Variants in BTAF1 observed in about 807,000 individuals in gnomAD.
BTAF1 encodes the protein B-TFIID TATA-box binding protein associated factor 1.
A neutral mutation model predicts 227.1 loss-of-function variants in BTAF1; 38 were observed. The observed-to-expected ratio is 0.17, with a 90% CI of 0.13 to 0.22. The LOEUF is 0.22. Among genes scored for constraint, BTAF1 ranks in the 10% least tolerant of loss-of-function variants. BTAF1 has a pLI of 1.00. For missense variants in BTAF1, 1,598 were observed against 2,204.0 expected (o/e 0.73, Z 5.51); for synonymous variants, 742 against 751.9 (o/e 0.99, Z 0.21).
chr10:91,968,677 A>G (rs1358263704), intron 14 of BTAF1, among the ~76,000 whole-genome samples: 3 of 152,100 alleles, frequency 2.0e-5, no homozygotes, highest in East Asian at 1.9e-4. Flanking sequence ...GAGGGTTCCT[A>G]TTGCTTTACA....
intron 14 of BTAF1, among the ~76,000 whole-genome samples, chr10:91,968,520 T>C (rs1332729188): frequency 6.6e-6 from 1 of 152,192 alleles, no homozygotes; most frequent in Non-Finnish European, 1.5e-5. Context: ...CAGGTTCTTA[T>C]GTGGGCATTA....
intron 19 of BTAF1, among the ~76,000 whole-genome samples, chr10:91,988,172 A>G (rs1309071496): frequency 6.6e-6 from 1 of 152,196 alleles, no homozygotes; most frequent in African/African-American, 2.4e-5. Flanking sequence ...CCTCAGTTAT[A>G]TGTTACATTT....
rs1196487300 is a variant in BTAF1, at chr10:91,991,265, AATATAAATAT to A, written c.2855-848_2855-839del. Among the ~76,000 whole-genome samples, 615 of 90,064 alleles carry A rather than the reference AATATAAATAT, an allele frequency of 6.8e-3. 44 individuals carry two copies. The highest frequency in any genetic ancestry group is 0.026 in the Middle Eastern group (5 of 190). 59.1% of individuals were successfully genotyped at this position (90,064 alleles called of 152,430 possible). On this transcript the variant is annotated intron_variant, in intron 20 of 37. Coordinates refer to ENST00000265990, the MANE Select transcript of BTAF1 (RefSeq NM_003972.3). ...CGTCTCAAAAAAATATATAAATATA[AATATAAATAT>A]ATATATATATATATATAAATTATCC... is the stretch of plus-strand genomic sequence containing the variant.
intron 14 of BTAF1, among the ~76,000 whole-genome samples, chr10:91,975,264 T>A (rs186573586): frequency 6.6e-6 from 1 of 152,314 alleles, no homozygotes; most frequent in African/African-American, 2.4e-5. Flanking sequence ...AAGATATACA[T>A]GAGATTGAGT....
chr10:92,028,692 A>G, intron 37 of BTAF1, 98 bp from the exon 38 acceptor site: 1 of 1,205,480 alleles, frequency 8.3e-7, no homozygotes, highest in African/African-American at 1.6e-5. Flanking sequence ...ATTCTGTTGA[A>G]TAATTGTATT....
rs772334330 is a variant in BTAF1 at position 91,989,210 on chromosome 10, A to G, written c.2484A>G (p.Leu828=). The G allele has an allele frequency of 1.9e-6, 3 of 1,613,900 alleles. No individual in the cohort carries two copies. Among genetic ancestry groups the G allele is most frequent in the African/African-American group, 2.7e-5 (2 of 74,846 alleles). ...TSSFDLNPQV[L]QQLDSKRQQV... is the part of the protein sequence containing the mutation. ...CTTTCGATTTAAATCCTCAAGTGTTACAACAGTTAGATAGTAAACGACAGC... is the reference window on the plus strand; with the variant it reads ...CTTTCGATTTAAATCCTCAAGTGTTGCAACAGTTAGATAGTAAACGACAGC... The change falls in exon 20 of 38, where the codon TTA becomes TTG. Residue 828 remains leucine (L), a synonymous_variant. Coordinates refer to ENST00000265990, the MANE Select transcript of BTAF1 (RefSeq NM_003972.3).
intron 37 of BTAF1, among the ~76,000 whole-genome samples, 164 bp downstream of exon 37, chr10:92,027,464 G>A (rs1404397851): frequency 6.9e-6 from 1 of 144,896 alleles, no homozygotes; most frequent in East Asian, 2.0e-4. Flanking sequence ...CATACTAGGG[G>A]ATGTGTGAAG....
intron 2 of BTAF1, among the ~76,000 whole-genome samples, chr10:91,937,090 G>A (rs900799797): frequency 2.0e-5 from 3 of 151,704 alleles, no homozygotes; most frequent in African/African-American, 7.3e-5. Flanking sequence ...TGCCTCCTGG[G>A]TTCAGGCGAT....
intron 1 of BTAF1, among the ~76,000 whole-genome samples, chr10:91,934,880 A>G (rs983357620): frequency 6.6e-5 from 10 of 152,150 alleles, no homozygotes; most frequent in African/African-American, 2.2e-4. Context: ...TCCATCTCAT[A>G]CACCATTTAT....
At chr10:91,980,606 A>T in intron 15 of BTAF1, 48 bp downstream of exon 15, 1 of 1,452,112 alleles carries the variant, frequency 6.9e-7, no homozygotes, top group Non-Finnish European at 9.6e-7. Flanking sequence ...ACTTTTGTAG[A>T]TTTTTAAAAT....
chr10:91,955,260 A>AT lies in BTAF1; in HGVS notation c.702-1263dup, dbSNP rs567614449. 5.8e-3 allele frequency among the ~76,000 whole-genome samples: 889 copies of AT among 152,272 alleles called. 9 individuals carry two copies. Among genetic ancestry groups the AT allele is most frequent in the South Asian group, 0.033 (157 of 4,828 alleles). ...TTGAATGTTGGAAATATTCGACTTT[A>AT]TTTTTCAGAGTTCATGAGTCATTCA... On this transcript the variant is annotated intron_variant, in intron 6 of 37. Transcript: ENST00000265990.
intron 14 of BTAF1, among the ~76,000 whole-genome samples, chr10:91,970,518 C>T (rs1847216346): frequency 6.6e-6 from 1 of 152,154 alleles, no homozygotes; most frequent in South Asian, 2.1e-4. Context: ...CAGGGAAACT[C>T]CTGTTTTTAA....
chr10:92,001,224 T>A (rs56263134), intron 25 of BTAF1, among the ~76,000 whole-genome samples: 11,284 of 152,112 alleles, frequency 0.074, 1,389 homozygotes, highest in African/African-American at 0.26. Context: ...TAAGACAGAA[T>A]TAGCAAAACA....
chr10:92,013,789 C>G lies in BTAF1; in HGVS notation c.4434C>G (p.Ser1478=). 6.2e-7 allele frequency: 1 copy of G among 1,613,952 alleles called. No homozygotes were observed. The highest frequency in any genetic ancestry group is 8.5e-7 in the Non-Finnish European group (1 of 1,180,012). ...PILASRDARS[S]SREQEAGVLA... ...TAGCAAGTAGGGATGCTCGAAGCTC[C>G]AGTCGAGAGCAAGAAGCAGGTATGA... is the stretch of plus-strand genomic sequence containing the variant. Residue 1478 remains serine (S), a synonymous_variant, in exon 31 of 38, where the codon TCC becomes TCG. Transcript: ENST00000265990.
chr10:91,939,365 A>G (rs1844846518), intron 2 of BTAF1, among the ~76,000 whole-genome samples: 1 of 152,214 alleles, frequency 6.6e-6, no homozygotes, highest in African/African-American at 2.4e-5. Flanking sequence ...GACTTAATGA[A>G]TAATATGTAT....
rs775857426 is a variant in BTAF1 at position 92,008,837 on chromosome 10, G to A, written c.3822G>A (p.Val1274=). Residue 1274 remains valine, a synonymous_variant, in exon 27 of 38, where the codon GTG becomes GTA. Transcript: ENST00000265990. ...AELRKYQQDG[V]NWLAFLNKYK... ...ATTTTTCTCTCTATCAGGATGGTGT[G>A]AACTGGTTAGCATTTCTTAATAAGT... 31 of 1,607,162 alleles carry A rather than the reference G, an allele frequency of 1.9e-5. 1 individual carries two copies. In the South Asian group the frequency reaches 3.3e-4, roughly 17 times the overall value.
At chr10:92,023,038 A>G (rs892872212) in intron 34 of BTAF1, among the ~76,000 whole-genome samples, 3 of 152,130 alleles carry the variant, frequency 2.0e-5, no homozygotes, top group Non-Finnish European at 4.4e-5. Flanking sequence ...TCAGTACCCA[A>G]AGTTTTTACT....
chr10:91,979,786 C>G (rs1319421845), intron 14 of BTAF1, among the ~76,000 whole-genome samples: 1 of 151,990 alleles, frequency 6.6e-6, no homozygotes, highest in Non-Finnish European at 1.5e-5. Flanking sequence ...TTTGGGTGGG[C>G]CTTTGAATTG....
chr10:92,024,160 C>T (rs1475525654), intron 34 of BTAF1, among the ~76,000 whole-genome samples: 2 of 152,200 alleles, frequency 1.3e-5, no homozygotes, highest in Non-Finnish European at 2.9e-5. Context: ...AGATCTTGGT[C>T]TACAGATAGA....
Sources: allele counts gnomAD v4.1 joint callset (sites outside exome capture counted in the v4.1 genomes callset), GRCh38; gene constraint gnomAD v4.1.1; transcripts MANE v1.5; gene names NCBI Gene and HGNC (gene_info 2026-07-23, HGNC 2026-07-21).